The following PDE8A variants were observed in gnomAD, a reference collection of about 807,000 sequenced individuals.
The protein encoded by PDE8A is phosphodiesterase 8A.
Under a neutral mutation model 105.0 loss-of-function variants are expected in PDE8A, and 59 were observed. The ratio of observed to expected loss-of-function variants is 0.56; its 90% CI spans 0.46 to 0.70. The LOEUF is 0.70. Among genes scored for constraint, PDE8A ranks in the 30% least tolerant of loss-of-function variants. PDE8A has a pLI of 0.00. For synonymous variants in PDE8A, 355 were observed against 371.9 expected, an observed-to-expected ratio of 0.95 and a Z score of 0.52; for missense variants, 1,014 against 1,045.9, an observed-to-expected ratio of 0.97 and a Z score of 0.42.
chr15:84,983,378 C>T (rs1282967916), intron 1 of PDE8A, among the ~76,000 whole-genome samples: 1 of 152,180 alleles, frequency 6.6e-6, no homozygotes, highest in East Asian at 1.9e-4. Context: ...TTTTTCCTTG[C>T]TTGCTGAGAA....
intron 1 of PDE8A, among the ~76,000 whole-genome samples, chr15:85,050,973 T>C (rs1030701318): frequency 6.6e-6 from 1 of 152,230 alleles, no homozygotes; most frequent in Non-Finnish European, 1.5e-5. Context: ...ATTAAATCTT[T>C]TTAATTTTTC....
chr15:85,136,772 C>T (rs968869261), intron 21 of PDE8A, 109 bp downstream of exon 21: 7 of 1,114,362 alleles, frequency 6.3e-6, no homozygotes, highest in Non-Finnish European at 8.8e-6. Context: ...CCTGGGCTTT[C>T]AAGAACAAGA....
chr15:85,043,638 C>T (rs1196016449), intron 1 of PDE8A, among the ~76,000 whole-genome samples: 2 of 152,104 alleles, frequency 1.3e-5, no homozygotes, highest in African/African-American at 4.8e-5. Context: ...GAACTAGATC[C>T]TACTTTGTAC....
chr15:85,088,721 TG>T (rs1478095579), intron 6 of PDE8A, among the ~76,000 whole-genome samples: 2 of 152,236 alleles, frequency 1.3e-5, no homozygotes, highest in African/African-American at 4.8e-5. Context: ...TGTGATATAG[TG>T]TTCCACTTAT....
intron 1 of PDE8A, among the ~76,000 whole-genome samples, chr15:84,997,321 G>A (rs562776595): frequency 6.6e-6 from 1 of 151,914 alleles, no homozygotes; most frequent in East Asian, 1.9e-4. Flanking sequence ...AGCCTCCTAA[G>A]TAGCTGGGAC....
intron 1 of PDE8A, among the ~76,000 whole-genome samples, chr15:85,005,016 T>C (rs971882502): frequency 6.6e-6 from 1 of 152,212 alleles, no homozygotes; most frequent in Non-Finnish European, 1.5e-5. Context: ...TAGTGACTTT[T>C]CTAAAGTTTG....
intron 1 of PDE8A, among the ~76,000 whole-genome samples, chr15:85,008,356 C>T (rs913267328): frequency 6.6e-6 from 1 of 151,846 alleles, no homozygotes; most frequent in Non-Finnish European, 1.5e-5. Flanking sequence ...TGCTGATACC[C>T]GTAATACTCT....
intron 8 of PDE8A, among the ~76,000 whole-genome samples, chr15:85,095,881 T>A (rs867990530): frequency 2.2e-4 from 33 of 148,542 alleles, no homozygotes; most frequent in East Asian, 5.8e-4. Context: ...TATATTTTTT[T>A]TATATATATA....
At position 85,005,962 on chromosome 15, in the gene PDE8A, C is replaced by T. The variant is rs538905939; in HGVS notation, c.186+23614C>T. Reference sequence around the variant, plus strand: ...TTGCCATGGGGCTGGGTCACACGTTCGGCTCTGAGCTTCCACAGCCTCACC... The same window carrying T: ...TTGCCATGGGGCTGGGTCACACGTTTGGCTCTGAGCTTCCACAGCCTCACC... On this transcript the variant is annotated intron_variant, in intron 1 of 21. Transcript: ENST00000394553. 1.2e-4 allele frequency among the ~76,000 whole-genome samples: 18 copies of T among 152,258 alleles called. No homozygotes were observed. In the South Asian group the frequency reaches 1.2e-3, roughly 11 times the overall value.
intron 7 of PDE8A, among the ~76,000 whole-genome samples, 180 bp downstream of exon 7, chr15:85,089,596 T>G (rs2081609084): frequency 6.6e-6 from 1 of 152,186 alleles, no homozygotes; most frequent in Non-Finnish European, 1.5e-5. Context: ...CTCTATAGAT[T>G]AGAAAACATA....
At chr15:85,088,140 T>C (rs1287025699) in intron 6 of PDE8A, among the ~76,000 whole-genome samples, 3 of 152,196 alleles carry the variant, frequency 2.0e-5, no homozygotes, top group Non-Finnish European at 4.4e-5. Flanking sequence ...TGCCTCAGGT[T>C]CCTGAAGTAG....
chr15:85,027,625 C>T (rs564129517), intron 1 of PDE8A, among the ~76,000 whole-genome samples: 50 of 152,312 alleles, frequency 3.3e-4, no homozygotes, highest in African/African-American at 1.2e-3. Context: ...TTATAAAACA[C>T]TGCATTGCAA....
In PDE8A at chr15:85,136,561, C is replaced by G. The variant is rs2082414019; in HGVS notation, c.2281C>G (p.Pro761Ala). 3 of 1,613,756 alleles carry G rather than the reference C, an allele frequency of 1.9e-6. No homozygotes were observed. Among genetic ancestry groups the G allele is most frequent in the Non-Finnish European group, 2.5e-6 (3 of 1,179,858 alleles). The change falls in exon 21 of 22, where the codon CCT becomes GCT. Residue 761 changes from proline to alanine, a missense_variant. Coordinates refer to ENST00000394553, the MANE Select transcript of PDE8A (RefSeq NM_002605.3). Reference protein sequence around the residue: ...QTDEEKQQGLPVVMPVFDRNT... With the variant: ...QTDEEKQQGLAVVMPVFDRNT... Reference sequence around the variant, plus strand: ...TGATGAAGAGAAGCAGCAGGGCTTACCTGTGGTGATGCCAGTGTTTGACAG... The same window carrying G: ...TGATGAAGAGAAGCAGCAGGGCTTAGCTGTGGTGATGCCAGTGTTTGACAG...
chr15:85,095,025 CTG>C (rs1180279396), intron 8 of PDE8A, among the ~76,000 whole-genome samples: 1 of 152,212 alleles, frequency 6.6e-6, no homozygotes, highest in Non-Finnish European at 1.5e-5. Context: ...TGTGCACACA[CTG>C]TGCCCACCCT....
At chr15:85,117,336 A>C (rs866699618) in intron 16 of PDE8A, among the ~76,000 whole-genome samples, 6 of 152,330 alleles carry the variant, frequency 3.9e-5, no homozygotes, top group African/African-American at 4.8e-5. Context: ...CACTAGTGCA[A>C]GTAGGAAGCT....
intron 2 of PDE8A, among the ~76,000 whole-genome samples, chr15:85,066,583 A>AACACACACACACAC (rs57124766): frequency 2.8e-4 from 33 of 117,010 alleles, no homozygotes; most frequent in Middle Eastern, 4.2e-3. Flanking sequence ...ATCCCCCCAA[A>AACACACACACACAC]ACACACACAC....
chr15:85,004,450 G>A (rs2080113320), intron 1 of PDE8A, among the ~76,000 whole-genome samples: 1 of 152,138 alleles, frequency 6.6e-6, no homozygotes, highest in Non-Finnish European at 1.5e-5. Context: ...CCACAGTGAG[G>A]ACAAAGCCAA....
chr15:85,095,579 C>T (rs1248793671), intron 8 of PDE8A, among the ~76,000 whole-genome samples: 2 of 152,050 alleles, frequency 1.3e-5, no homozygotes, highest in Non-Finnish European at 2.9e-5. Flanking sequence ...CTCCTGACCT[C>T]GTGATCTGCC....
chr15:84,992,352 C>T (rs983153712), intron 1 of PDE8A, among the ~76,000 whole-genome samples: 1 of 152,020 alleles, frequency 6.6e-6, no homozygotes, highest in Non-Finnish European at 1.5e-5. Context: ...AAATATATCT[C>T]TGGATAAGGG....
Sources: allele counts gnomAD v4.1 joint callset (sites outside exome capture counted in the v4.1 genomes callset), GRCh38; gene constraint gnomAD v4.1.1; transcripts MANE v1.5; gene names NCBI Gene and HGNC (gene_info 2026-07-23, HGNC 2026-07-21).